The following RASA3 variants were observed in gnomAD, a reference collection of about 807,000 sequenced individuals.
RASA3 encodes ras GTPase-activating protein 3.
RASA3 carries 73 observed loss-of-function variants against 110.0 expected under a neutral mutation model. The observed-to-expected ratio is 0.66, with a 90% confidence interval of 0.55 to 0.81. RASA3 has a LOEUF of 0.81. RASA3 is among the 30% of genes least tolerant of loss of function. The probability of loss-of-function intolerance (pLI) is 0.00; values close to 1 mark genes in which losing one functional copy is unlikely to be tolerated. For missense variants in RASA3, 976 were observed against 1,113.2 expected (o/e 0.88, Z 1.75); for synonymous variants, 500 against 451.4 (o/e 1.11, Z -1.37).
At position 114,029,173 on chromosome 13, in the gene RASA3, A is replaced by G. The variant is rs552846862; in HGVS notation, c.449+638T>C. Among the ~76,000 whole-genome samples the G allele has an allele frequency of 1.2e-4, 4 of 32,938 alleles. 1 individual carries two copies. Among genetic ancestry groups the G allele is most frequent in the Admixed American group, 2.7e-4 (1 of 3,702 alleles). 21.6% of individuals were successfully genotyped at this position (32,938 alleles called of 152,430 possible). ...TCCTGGGGGCCAGGACCTCTAAAACAGCTTCATCCTGGTGGGCCAGGACCT... is the reference window on the plus strand; with the variant it reads ...TCCTGGGGGCCAGGACCTCTAAAACGGCTTCATCCTGGTGGGCCAGGACCT... On this transcript the variant is annotated intron_variant, in intron 5 of 23. Transcript: ENST00000334062.
At chr13:114,016,817 G>A (rs2053803377) in intron 12 of RASA3, among the ~76,000 whole-genome samples, 2 of 152,244 alleles carry the variant, frequency 1.3e-5, no homozygotes, top group Non-Finnish European at 2.9e-5. Flanking sequence ...GGGGGGCACA[G>A]CCTGGCGGGC....
rs961545941 is a variant in RASA3 at position 114,041,485 on chromosome 13, T to C, written c.278-391A>G. Reference sequence around the variant, plus strand: ...GCGCGAACGTCCGCTCCATCGGCAATGTGCGCCTCACTTTCACTGTGGTCC... The same window carrying C: ...GCGCGAACGTCCGCTCCATCGGCAACGTGCGCCTCACTTTCACTGTGGTCC... On this transcript the variant is annotated intron_variant, in intron 3 of 23. Transcript: ENST00000334062. 3.3e-5 allele frequency among the ~76,000 whole-genome samples: 5 copies of C among 152,258 alleles called. No individual in the cohort carries two copies. The South Asian group carries it at 6.2e-4, about 19-fold the overall frequency.
At chr13:114,025,786 G>A (rs563629911) in intron 7 of RASA3, among the ~76,000 whole-genome samples, 36 of 152,336 alleles carry the variant, frequency 2.4e-4, no homozygotes, top group African/African-American at 6.7e-4. Flanking sequence ...CCATAGAAAC[G>A]GAACATCTGT....
chr13:114,123,055 G>A (rs554627685), intron 1 of RASA3, among the ~76,000 whole-genome samples: 2 of 152,220 alleles, frequency 1.3e-5, no homozygotes, highest in African/African-American at 2.4e-5. Flanking sequence ...ACACACCTTC[G>A]GTGCGTGCCC....
At chr13:114,077,049 TAAAAG>T (rs2079696522) in intron 1 of RASA3, among the ~76,000 whole-genome samples, 1 of 151,978 alleles carries the variant, frequency 6.6e-6, no homozygotes, top group African/African-American at 2.4e-5. Flanking sequence ...CTGTGTTTCT[TAAAAG>T]GAGAGAGAAA....
chr13:113,979,859 G>A (rs574016140), intron 23 of RASA3, among the ~76,000 whole-genome samples: 1 of 152,004 alleles, frequency 6.6e-6, no homozygotes, highest in Admixed American at 6.5e-5. Flanking sequence ...CATACCATGT[G>A]TGTGCACCTC....
At chr13:114,130,912 G>A (rs903156151) in intron 1 of RASA3, among the ~76,000 whole-genome samples, 1 of 152,254 alleles carries the variant, frequency 6.6e-6, no homozygotes, top group Admixed American at 6.5e-5. Flanking sequence ...CTTGGCTGAA[G>A]GAAAGAGCAG....
intron 1 of RASA3, chr13:114,078,080 T>C (rs1339429076): frequency 5.8e-6 from 5 of 860,484 alleles, no homozygotes; most frequent in Non-Finnish European, 7.0e-6. Context: ...CAACATCCAA[T>C]GAGCTGCTCA....
chr13:114,100,236 G>C (rs766284776), intron 1 of RASA3, among the ~76,000 whole-genome samples: 2 of 151,840 alleles, frequency 1.3e-5, no homozygotes, highest in East Asian at 4.0e-4. Context: ...AGGGCGCGCC[G>C]ATGTGGATGC....
chr13:114,015,547 G>A (rs540573943), intron 13 of RASA3, among the ~76,000 whole-genome samples: 49 of 152,252 alleles, frequency 3.2e-4, no homozygotes, highest in Non-Finnish European at 5.9e-4. Context: ...GCACCACGTC[G>A]GCTCCCCGGC....
In RASA3 at chr13:114,025,143, C is replaced by A. The variant is rs578162520; in HGVS notation, c.604-788G>T. Among the ~76,000 whole-genome samples the A allele has an allele frequency of 2.0e-5, 3 of 152,370 alleles. No homozygotes were observed. In the South Asian group the frequency reaches 6.2e-4, roughly 32 times the overall value. ...CCCTCCCTGCCCCCCCTTCTCCGGG[C>A]CTCAGCAGTGATGCTGGCTCAGGAG... On this transcript the variant is annotated intron_variant, in intron 7 of 23. Coordinates refer to ENST00000334062, the MANE Select transcript of RASA3 (RefSeq NM_007368.4).
At chr13:114,099,486 C>T (rs926016029) in intron 1 of RASA3, among the ~76,000 whole-genome samples, 4 of 151,804 alleles carry the variant, frequency 2.6e-5, no homozygotes, top group Non-Finnish European at 5.9e-5. Flanking sequence ...TGACTCAGGC[C>T]TCTGGTCAGC....
chr13:114,004,836 TGAACC>T (rs2053479419), intron 18 of RASA3, among the ~76,000 whole-genome samples: 3 of 152,176 alleles, frequency 2.0e-5, no homozygotes, highest in Admixed American at 6.5e-5. Flanking sequence ...CGTTTACCGC[TGAACC>T]ACTCACAACA....
intron 2 of RASA3, among the ~76,000 whole-genome samples, chr13:114,063,790 CT>C (rs56109510): frequency 0.31 from 47,425 of 151,918 alleles, 8,175 homozygotes; most frequent in East Asian, 0.5. Context: ...CCACAGAACC[CT>C]CCAGGGAGTC....
At chr13:114,095,524 C>A (rs963646158) in intron 1 of RASA3, among the ~76,000 whole-genome samples, 12 of 152,058 alleles carry the variant, frequency 7.9e-5, no homozygotes, top group African/African-American at 2.9e-4. Flanking sequence ...CTTGATGCAG[C>A]CTCATGTTTT....
chr13:113,982,223 G>C (rs1200343565), intron 22 of RASA3, among the ~76,000 whole-genome samples: 3 of 152,232 alleles, frequency 2.0e-5, no homozygotes, highest in Non-Finnish European at 4.4e-5. Context: ...CAGGAGGAGA[G>C]ACACCTGCAG....
chr13:114,014,758 A>T lies in RASA3; in HGVS notation c.1405+451T>A, dbSNP rs1356183741. ...TGTCTCTTCGAAGACACGGGCAGGC[A>T]GAGCCCCCAACACCACTCTGGGCCC... On this transcript the variant is annotated intron_variant, in intron 14 of 23. Coordinates refer to ENST00000334062, the MANE Select transcript of RASA3 (RefSeq NM_007368.4). This position sits in a 1 kb window ranked among gnomAD's most constrained non-coding sequence, Gnocchi z 4.5. 2.6e-5 allele frequency among the ~76,000 whole-genome samples: 4 copies of T among 152,108 alleles called. No homozygotes were observed. Among genetic ancestry groups the T allele is most frequent in the Admixed American group, 1.3e-4 (2 of 15,282 alleles).
In RASA3 at chr13:114,057,591, T is replaced by G; in HGVS notation, c.174-5436A>C. The G allele has an allele frequency of 1.1e-6, 1 of 874,214 alleles. No individual in the cohort carries two copies. The highest frequency in any genetic ancestry group is 1.4e-6 in the Non-Finnish European group (1 of 728,874). 54.2% of individuals were successfully genotyped at this position (874,214 alleles called of 1,614,324 possible). On this transcript the variant is annotated intron_variant, in intron 2 of 23. Transcript: ENST00000334062. The surrounding 1 kb of genome is among the most constrained non-coding windows in gnomAD (Gnocchi z 5.0). Reference sequence around the variant, plus strand: ...ACAGGAAGGAAACCTCTCCCCACAATGACTGTGCACAGAGCCAGCCTGACA... The same window carrying G: ...ACAGGAAGGAAACCTCTCCCCACAAGGACTGTGCACAGAGCCAGCCTGACA...
rs914676370 is a variant in RASA3 at position 113,979,239 on chromosome 13, C to T, written c.*108G>A. 14 of 1,091,388 alleles carry T rather than the reference C, an allele frequency of 1.3e-5. No homozygotes were observed. The highest frequency in any genetic ancestry group is 1.0e-4 in the Admixed American group (6 of 57,902). 67.6% of individuals were successfully genotyped at this position (1,091,388 alleles called of 1,614,324 possible). A position where few individuals can be genotyped will look rare whatever the true frequency, so the allele number is the denominator to read the frequency against. ...GCCACTTGTCTATGGGCCGGGACGG[C>T]GTGCATCTCACTTTGCCGGCTCTGC... On this transcript the variant is annotated 3_prime_UTR_variant, in exon 24 of 24. Coordinates refer to ENST00000334062, the MANE Select transcript of RASA3 (RefSeq NM_007368.4).
Sources: allele counts gnomAD v4.1 joint callset (sites outside exome capture counted in the v4.1 genomes callset), GRCh38; gene constraint gnomAD v4.1.1; non-coding constraint Gnocchi (gnomAD v3.1); transcripts MANE v1.5; gene names NCBI Gene and HGNC (gene_info 2026-07-23, HGNC 2026-07-21).